PRKG1: variants seen among roughly 807,000 people sequenced by gnomAD.
The protein encoded by PRKG1 is protein kinase cGMP-dependent 1.
A neutral mutation model predicts 88.1 loss-of-function variants in PRKG1; 35 were observed. That is an observed-to-expected ratio of 0.40 (90% CI 0.30 to 0.53). PRKG1 has a LOEUF of 0.53. Among genes scored for constraint, PRKG1 ranks in the 20% least tolerant of loss-of-function variants. The probability of loss-of-function intolerance (pLI) is 0.59; values close to 1 mark genes in which losing one functional copy is unlikely to be tolerated. For missense variants in PRKG1, 540 were observed against 839.8 expected (o/e 0.64, Z 4.41); for synonymous variants, 303 against 292.5 (o/e 1.04, Z -0.37).
rs202077988 is a variant in PRKG1 at position 51,698,849 on chromosome 10, G to A, written c.593-105736G>A. 98 of 1,614,194 alleles carry A rather than the reference G, an allele frequency of 6.1e-5. No individual in the cohort carries two copies. The East Asian group carries it at 2.1e-3, about 34-fold the overall frequency. On this transcript the variant is annotated intron_variant, in intron 3 of 17. Coordinates refer to ENST00000373980, the MANE Select transcript of PRKG1 (RefSeq NM_006258.4). Reference sequence around the variant, plus strand: ...CAAATGCTGAGGCTGAGGAGCTGGAGGATTCTGCTGGTTCAGCAGAACATT... The same window carrying A: ...CAAATGCTGAGGCTGAGGAGCTGGAAGATTCTGCTGGTTCAGCAGAACATT...
At chr10:52,227,830 T>G (rs908171774) in intron 9 of PRKG1, among the ~76,000 whole-genome samples, 1 of 152,208 alleles carries the variant, frequency 6.6e-6, no homozygotes, top group Non-Finnish European at 1.5e-5. Context: ...ACTGCACATG[T>G]GCCCAGTTAT....
At chr10:51,636,506 G>A (rs764041678) in intron 3 of PRKG1, among the ~76,000 whole-genome samples, 4 of 152,330 alleles carry the variant, frequency 2.6e-5, no homozygotes, top group East Asian at 3.9e-4. Flanking sequence ...AGCTATGTGA[G>A]TGAGAACATC....
At chr10:51,178,167 G>A (rs1386030795) in intron 2 of PRKG1, among the ~76,000 whole-genome samples, 1 of 150,802 alleles carries the variant, frequency 6.6e-6, no homozygotes, top group Non-Finnish European at 1.5e-5. Context: ...TAGATATATT[G>A]AGTGATTAAA....
At chr10:52,179,948 A>G (rs1838971539) in intron 9 of PRKG1, among the ~76,000 whole-genome samples, 1 of 152,200 alleles carries the variant, frequency 6.6e-6, no homozygotes, top group African/African-American at 2.4e-5. Context: ...TGGCATCCCA[A>G]AGTGCTGGGA....
At chr10:51,201,642 C>G (rs530350496) in intron 2 of PRKG1, among the ~76,000 whole-genome samples, 2 of 152,044 alleles carry the variant, frequency 1.3e-5, no homozygotes, top group African/African-American at 4.8e-5. Context: ...TCTTTGAGAG[C>G]TAATTGGGTC....
At chr10:51,096,861 A>T (rs1475342580) in intron 1 of PRKG1, among the ~76,000 whole-genome samples, 1 of 152,212 alleles carries the variant, frequency 6.6e-6, no homozygotes, top group African/African-American at 2.4e-5. Context: ...TTCTGGAGGT[A>T]TGTTGCTTGT....
intron 2 of PRKG1, among the ~76,000 whole-genome samples, chr10:51,222,000 G>A (rs1432783843): frequency 6.7e-6 from 1 of 150,170 alleles, no homozygotes; most frequent in Non-Finnish European, 1.5e-5. Context: ...TTGGCCTCCC[G>A]AGTAGCTGAG....
chr10:51,457,903 G>A (rs924573544), intron 2 of PRKG1, among the ~76,000 whole-genome samples: 1 of 152,100 alleles, frequency 6.6e-6, no homozygotes, highest in Non-Finnish European at 1.5e-5. Flanking sequence ...TTCTCTGTCT[G>A]GGTAGCGACT....
intron 4 of PRKG1, among the ~76,000 whole-genome samples, chr10:51,835,528 A>G (rs374055572): frequency 6.6e-6 from 1 of 152,350 alleles, no homozygotes; most frequent in African/African-American, 2.4e-5. Flanking sequence ...TGTTTGCTGA[A>G]TGGTTGAATA....
intron 3 of PRKG1, among the ~76,000 whole-genome samples, chr10:51,609,383 T>G (rs1404225484): frequency 6.6e-6 from 1 of 152,138 alleles, no homozygotes; most frequent in Admixed American, 6.6e-5. Flanking sequence ...AATTTACACT[T>G]TTGGTGAGAA....
chr10:51,701,755 G>A (rs1841473479), intron 3 of PRKG1, among the ~76,000 whole-genome samples: 1 of 150,414 alleles, frequency 6.6e-6, no homozygotes, highest in Non-Finnish European at 1.5e-5. Context: ...CATGAAGATG[G>A]TAATGGGGTA....
chr10:51,143,901 T>C (rs1441807242), intron 1 of PRKG1, among the ~76,000 whole-genome samples: 10 of 152,054 alleles, frequency 6.6e-5, no homozygotes, highest in Non-Finnish European at 1.5e-4. Context: ...AGGAGGCAAA[T>C]ATTTCTTCCA....
intron 4 of PRKG1, among the ~76,000 whole-genome samples, chr10:51,837,740 T>C: frequency 6.6e-6 from 1 of 152,132 alleles, no homozygotes; most frequent in East Asian, 1.9e-4. Context: ...AGGATGTAAA[T>C]AGTTTGAAGG....
At chr10:51,995,988 T>C (rs1320794271) in intron 5 of PRKG1, among the ~76,000 whole-genome samples, 4 of 151,956 alleles carry the variant, frequency 2.6e-5, no homozygotes, top group African/African-American at 7.2e-5. Flanking sequence ...CTAAAAAGCT[T>C]CTGCACGGCA....
intron 3 of PRKG1, among the ~76,000 whole-genome samples, chr10:51,622,512 T>A (rs1164051936): frequency 1.3e-5 from 2 of 152,226 alleles, no homozygotes; most frequent in Admixed American, 1.3e-4. Context: ...CTGCTTTCTA[T>A]GACAGTTCCA....
chr10:51,126,118 A>G (rs1845399821), intron 1 of PRKG1, among the ~76,000 whole-genome samples: 1 of 115,592 alleles, frequency 8.7e-6, no homozygotes, highest in Admixed American at 1.0e-4. Flanking sequence ...TAATTATATA[A>G]TTATATTTAA....
chr10:51,681,846 T>C (rs1408260488), intron 3 of PRKG1, among the ~76,000 whole-genome samples: 2 of 152,196 alleles, frequency 1.3e-5, no homozygotes, highest in Admixed American at 1.3e-4. Context: ...TAACATGTTG[T>C]GTACCACCTT....
intron 3 of PRKG1, among the ~76,000 whole-genome samples, chr10:51,612,363 A>T (rs1838932621): frequency 6.6e-6 from 1 of 151,788 alleles, no homozygotes; most frequent in South Asian, 2.1e-4. Flanking sequence ...GGTTAAATGT[A>T]TTCCTAGGTT....
chr10:52,166,391 G>T (rs1385612099), intron 9 of PRKG1, among the ~76,000 whole-genome samples: 1 of 147,810 alleles, frequency 6.8e-6, no homozygotes, highest in African/African-American at 2.5e-5. Context: ...CTAAGAATAA[G>T]TTTTAATAAT....
Sources: gnomAD v4.1 joint callset for allele counts (sites outside exome capture counted in the v4.1 genomes callset) on GRCh38, gnomAD v4.1.1 for gene constraint, MANE v1.5 for transcripts, NCBI Gene and HGNC (gene_info 2026-07-23, HGNC 2026-07-21) for gene names.